VWA3B: variants seen among roughly 807,000 people sequenced by gnomAD.
The protein encoded by VWA3B is von Willebrand factor A domain-containing protein 3B.
A neutral mutation model predicts 158.3 loss-of-function variants in VWA3B; 138 were observed. The observed-to-expected ratio is 0.87, with a 90% CI of 0.76 to 1.00. The LOEUF (loss-of-function observed/expected upper bound fraction) is 1.00. Among genes scored for constraint, VWA3B ranks in the 50% least tolerant of loss-of-function variants. The pLI is 0.00. For missense variants in VWA3B, 1,555 were observed against 1,565.1 expected, an observed-to-expected ratio of 0.99 and a Z score of 0.11; for synonymous variants, 596 against 587.3, an observed-to-expected ratio of 1.01 and a Z score of -0.21.
chr2:98,218,085 G>T lies in VWA3B; in HGVS notation c.2019+57G>T, dbSNP rs2105603277. Reference sequence around the variant, plus strand: ...TCATTTGTTTGAGCATTACAGGCTGGCGGTCCCTGGGTAATACCTTCGTTG... The same window carrying T: ...TCATTTGTTTGAGCATTACAGGCTGTCGGTCCCTGGGTAATACCTTCGTTG... On this transcript the variant is annotated intron_variant, in intron 14 of 27. Coordinates refer to ENST00000477737, the MANE Select transcript of VWA3B (RefSeq NM_144992.5). The T allele has an allele frequency of 2.6e-6, 4 of 1,522,440 alleles. No individual in the cohort carries two copies. The East Asian group carries it at 7.1e-5, about 27-fold the overall frequency. 94.3% of individuals were successfully genotyped at this position (1,522,440 alleles called of 1,614,324 possible).
chr2:98,181,110 G>A lies in VWA3B; in HGVS notation c.1209G>A (p.Lys403=), dbSNP rs774689242. ...WLQKYGLKAQ[K]LSLYDVLADC... The stretch of plus-strand genomic sequence containing the variant: ...AGAAATATGGCTTGAAGGCCCAGAA[G>A]CTATCCTTGTATGATGTGCTTGCCG... Residue 403 remains lysine (K), a synonymous_variant, in exon 9 of 28, where the codon AAG becomes AAA. Transcript: ENST00000477737. 7 of 1,614,106 alleles carry A rather than the reference G, an allele frequency of 4.3e-6. No homozygotes were observed. The highest frequency in any genetic ancestry group is 2.2e-5 in the East Asian group (1 of 44,892).
At chr2:98,232,254 G>T (rs7605682) in intron 16 of VWA3B, among the ~76,000 whole-genome samples, 1 of 152,280 alleles carries the variant, frequency 6.6e-6, no homozygotes, top group East Asian at 1.9e-4. Flanking sequence ...TAATTTATCA[G>T]ATTTATGAGG....
intron 2 of VWA3B, among the ~76,000 whole-genome samples, chr2:98,115,393 T>G (rs189265955): frequency 1.3e-4 from 20 of 152,274 alleles, no homozygotes; most frequent in African/African-American, 4.3e-4. Context: ...TGTATACATA[T>G]GTAACAAACC....
chr2:98,174,315 C>T (rs888840173), intron 8 of VWA3B, among the ~76,000 whole-genome samples: 1 of 152,146 alleles, frequency 6.6e-6, no homozygotes, highest in African/African-American at 2.4e-5. Flanking sequence ...AGTTTGTGAT[C>T]ACAGTGGAAA....
In VWA3B at chr2:98,133,876, A is replaced by T. The variant is rs1436252567; in HGVS notation, c.925A>T (p.Thr309Ser). The T allele has an allele frequency of 2.5e-6, 4 of 1,614,038 alleles. No homozygotes were observed. Among genetic ancestry groups the T allele is most frequent in the Non-Finnish European group, 3.4e-6 (4 of 1,180,028 alleles). Reference sequence around the variant, plus strand: ...GTGTGTAGAATTTCCTGCATTCTCCACAAAGGATGGTGACAATGTGATGAC... The same window carrying T: ...GTGTGTAGAATTTCCTGCATTCTCCTCAAAGGATGGTGACAATGTGATGAC... ...TECVEFPAFS[T>S]KDGDNVMTWN... is the part of the protein sequence containing the mutation. Residue 309 changes from threonine to serine, a missense_variant, in exon 7 of 28, where the codon ACA becomes TCA. Thr to Ser is a moderately conservative substitution (Grantham distance 58). Transcript: ENST00000477737.
intron 2 of VWA3B, among the ~76,000 whole-genome samples, chr2:98,096,050 T>C (rs528430321): frequency 6.6e-5 from 10 of 152,338 alleles, no homozygotes; most frequent in African/African-American, 2.4e-4. Flanking sequence ...TTTGCATCTA[T>C]GTTCATCAGG....
At chr2:98,263,762 T>A (rs756484017) in intron 21 of VWA3B, among the ~76,000 whole-genome samples, 85 of 152,118 alleles carry the variant, frequency 5.6e-4, no homozygotes, top group Middle Eastern at 3.4e-3. Flanking sequence ...ATAAAATGAG[T>A]TAGGAGCATT....
chr2:98,297,269 A>G (rs1689864716), intron 23 of VWA3B, among the ~76,000 whole-genome samples: 1 of 151,746 alleles, frequency 6.6e-6, no homozygotes, highest in African/African-American at 2.4e-5. Context: ...TTCAGTAGAG[A>G]CGGGGTTTCA....
At position 98,231,234 on chromosome 2, in the gene VWA3B, C is replaced by G. The variant is rs573471738; in HGVS notation, c.2308+1027C>G. ...TTTATCTATAGGTTTAATGAAATTC[C>G]TAATAGAATCCCAAAAATGTTTTTA... is the stretch of plus-strand genomic sequence containing the variant. On this transcript the variant is annotated intron_variant, in intron 16 of 27. Coordinates refer to ENST00000477737, the MANE Select transcript of VWA3B (RefSeq NM_144992.5). 2.6e-5 allele frequency among the ~76,000 whole-genome samples: 4 copies of G among 152,216 alleles called. No homozygotes were observed. In the South Asian group the frequency reaches 8.3e-4, roughly 32 times the overall value.
At chr2:98,326,040 T>C in the VWA3B span, among the ~76,000 whole-genome samples, 2 of 152,194 alleles carry the variant, frequency 1.3e-5, no homozygotes, top group Non-Finnish European at 2.9e-5. Flanking sequence ...AAAATATTTA[T>C]GAAAATCTCA....
intron 9 of VWA3B, among the ~76,000 whole-genome samples, chr2:98,186,282 G>A (rs928660288): frequency 2.0e-5 from 3 of 150,722 alleles, no homozygotes; most frequent in Admixed American, 6.6e-5. Flanking sequence ...GAAGCACCTC[G>A]AGGTGCAGTG....
At chr2:98,194,299 C>A in intron 11 of VWA3B, 62 bp from the exon 12 acceptor site, 1 of 1,547,404 alleles carries the variant, frequency 6.5e-7, no homozygotes, top group Non-Finnish European at 8.8e-7. Context: ...AAACTGTGGC[C>A]TACCCAAACC....
chr2:98,316,276 C>T (rs1330342342), downstream of VWA3B, among the ~76,000 whole-genome samples: 1 of 152,188 alleles, frequency 6.6e-6, no homozygotes, highest in Non-Finnish European at 1.5e-5. Context: ...GCAAACATGC[C>T]TTGAGCATTG....
the VWA3B span, among the ~76,000 whole-genome samples, chr2:98,319,652 G>A: frequency 1.3e-5 from 2 of 152,120 alleles, no homozygotes; most frequent in Non-Finnish European, 2.9e-5. Flanking sequence ...GTCTGAGATG[G>A]GTGGATAAAA....
At chr2:98,140,795 A>G (rs1449097562) in intron 7 of VWA3B, among the ~76,000 whole-genome samples, 1 of 152,180 alleles carries the variant, frequency 6.6e-6, no homozygotes, top group Non-Finnish European at 1.5e-5. Flanking sequence ...ATTAATATTC[A>G]TCTTACCCAT....
intron 20 of VWA3B, among the ~76,000 whole-genome samples, chr2:98,254,255 C>T (rs1459392090): frequency 1.3e-5 from 2 of 152,074 alleles, no homozygotes; most frequent in Non-Finnish European, 2.9e-5. Flanking sequence ...CCAAAAGCTA[C>T]GTAGCACAGG....
intron 23 of VWA3B, among the ~76,000 whole-genome samples, chr2:98,294,326 A>T (rs192130202): frequency 2.8e-5 from 4 of 140,762 alleles, no homozygotes; most frequent in Non-Finnish European, 6.4e-5. Context: ...CATTTTTAGT[A>T]AAAAAAACAG....
intron 12 of VWA3B, among the ~76,000 whole-genome samples, chr2:98,196,850 A>C (rs2105447495): frequency 6.6e-6 from 1 of 152,356 alleles, no homozygotes; most frequent in African/African-American, 2.4e-5. Context: ...TAAATTTGCA[A>C]TAATTTTAGA....
chr2:98,305,097 G>A lies in VWA3B; in HGVS notation c.3521+1295G>A, dbSNP rs537277670. On this transcript the variant is annotated intron_variant, in intron 26 of 27. Coordinates refer to ENST00000477737, the MANE Select transcript of VWA3B (RefSeq NM_144992.5). ...AACCTGCTCCAGAGTCGCTTTGGAC[G>A]CCACCAGCCACTCCCTTCTGCCCTA... 8.1e-3 allele frequency among the ~76,000 whole-genome samples: 1,232 copies of A among 152,140 alleles called. 11 individuals carry two copies. The highest frequency in any genetic ancestry group is 0.028 in the African/African-American group (1,167 of 41,480).
Sources: allele counts gnomAD v4.1 joint callset (sites outside exome capture counted in the v4.1 genomes callset), GRCh38; gene constraint gnomAD v4.1.1; transcripts MANE v1.5; gene names NCBI Gene and HGNC (gene_info 2026-07-23, HGNC 2026-07-21).